The following E4F1 variants were observed in gnomAD, a reference collection of about 807,000 sequenced individuals.
The protein encoded by E4F1 is transcription factor E4F1.
Under a neutral mutation model 72.9 loss-of-function variants are expected in E4F1, and 30 were observed. That is an observed-to-expected ratio of 0.41 (90% CI 0.31 to 0.56). The LOEUF (loss-of-function observed/expected upper bound fraction) is 0.56, where lower values mean the gene tolerates loss of function less well. Ranked by LOEUF, E4F1 falls within the 20% of genes least tolerant of loss-of-function variation. The probability of loss-of-function intolerance (pLI) is 0.25; values close to 1 mark genes in which losing one functional copy is unlikely to be tolerated. For synonymous variants in E4F1, 542 were observed against 478.2 expected (o/e 1.13, Z -1.74); for missense variants, 1,091 against 1,117.5 (o/e 0.98, Z 0.34).
Position 2,229,646 on chromosome 16 carries a change from C to G in E4F1, c.386C>G (p.Ala129Gly), listed in dbSNP as rs772502120. 1 of 1,612,958 alleles carries G rather than the reference C, an allele frequency of 6.2e-7. No individual in the cohort carries two copies. Among genetic ancestry groups the G allele is most frequent in the Non-Finnish European group, 8.5e-7 (1 of 1,180,000 alleles). Residue 129 changes from alanine to glycine, a missense_variant, in exon 3 of 14, where the codon GCA becomes GGA. Physicochemically the swap from Ala to Gly is moderately conservative, Grantham distance 60 (BLOSUM62 0). Around this residue, in one of 5 missense-constraint regions of E4F1, gnomAD observed 362 missense variants for 358.6 expected, o/e 1.01. Transcript: ENST00000301727. ...HIVVEAASLA[A>G]DISHASDLVG... ...GTGGTGGAGGCGGCCTCTCTGGCAGCAGACATCAGCCACGCATCTGACCTT... is the reference window on the plus strand; with the variant it reads ...GTGGTGGAGGCGGCCTCTCTGGCAGGAGACATCAGCCACGCATCTGACCTT...
In E4F1 at chr16:2,231,466, C is replaced by T. The variant is rs1032752004; in HGVS notation, c.416-705C>T. On this transcript the variant is annotated intron_variant, in intron 3 of 13. Coordinates refer to ENST00000301727, the MANE Select transcript of E4F1 (RefSeq NM_004424.5). ...AAGAGAACAGCTTGTCAAAACAAGA[C>T]GCCAGCCGGACTGAGGTGGTTTCTA... is the stretch of plus-strand genomic sequence containing the variant. 3.3e-5 allele frequency: 5 copies of T among 152,334 alleles called. No individual in the cohort carries two copies. In the East Asian group the frequency reaches 5.8e-4, roughly 18 times the overall value. The allele number at this position is 152,334 out of a possible 1,614,324, so 9.4% of individuals were successfully genotyped here.
chr16:2,229,767 C>T (rs554167134), intron 3 of E4F1, 92 bp downstream of exon 3: 34 of 1,394,920 alleles, frequency 2.4e-5, no homozygotes, highest in Middle Eastern at 1.8e-4. Context: ...TCGTCTCTCC[C>T]GAGACCAGGG....
At chr16:2,226,360 C>T (rs1443796566) in intron 1 of E4F1, among the ~76,000 whole-genome samples, 2 of 152,116 alleles carry the variant, frequency 1.3e-5, no homozygotes, top group Admixed American at 6.6e-5. Context: ...GTGGCAATGC[C>T]CTGGAGCCGA....
chr16:2,223,710 G>T lies in E4F1; in HGVS notation c.97G>T (p.Val33Leu), dbSNP rs1437237489. ...REAGEGAVAA[V>L]AAALAPSGFL... The stretch of plus-strand genomic sequence containing the variant: ...AGCGGGCGAGGGTGCAGTTGCGGCG[G>T]TGGCGGCGGCCTTGGCCCCCAGCGG... Residue 33 changes from valine to leucine, a missense_variant, in exon 1 of 14, where the codon GTG (valine) becomes TTG (leucine). This residue lies in a region of E4F1 where 362 missense variants were observed against 358.6 expected (regional missense o/e 1.01). Transcript: ENST00000301727. 3 of 1,561,478 alleles carry T rather than the reference G, an allele frequency of 1.9e-6. No individual in the cohort carries two copies. The highest frequency in any genetic ancestry group is 2.3e-5 in the South Asian group (2 of 86,724).
chr16:2,223,800 GGGGTGCGGGCA>G, intron 1 of E4F1, 30 bp downstream of exon 1: 1 of 1,533,940 alleles, frequency 6.5e-7, no homozygotes, highest in Non-Finnish European at 8.7e-7. Flanking sequence ...GGGTGCGGCC[GGGGTGCGGGCA>G]GTTCATCCCG....
In E4F1 at chr16:2,235,000, A is replaced by AGGTG; in HGVS notation, c.1935+4_1935+7dup. The AGGTG allele has an allele frequency of 1.2e-6, 2 of 1,611,266 alleles. No homozygotes were observed. Among genetic ancestry groups the AGGTG allele is most frequent in the Admixed American group, 3.3e-5 (2 of 59,774 alleles). ...GCTGACACCCAGGAGTATATCATCG[A>AGGTG]GGTGGGTGTGGGGCCCTGGGGCCGT... On this transcript the variant is annotated frameshift_variant and splice_region_variant, in exon 12 of 14. Transcript: ENST00000301727. LOFTEE classifies it high-confidence loss of function.
chr16:2,228,261 T>G, intron 1 of E4F1, 111 bp from the exon 2 acceptor site: 1 of 1,431,666 alleles, frequency 7.0e-7, no homozygotes. Flanking sequence ...TAGCTCTGCT[T>G]CTGATGGCCT....
intron 3 of E4F1, chr16:2,230,011 GCCCGTA>G: frequency 3.3e-6 from 1 of 306,200 alleles, no homozygotes. Flanking sequence ...CCTGCTCCCT[GCCCGTA>G]GGCAGCAACA....
chr16:2,232,388 G>A (rs1218408264), intron 4 of E4F1, 24 bp downstream of exon 4: 2 of 1,602,384 alleles, frequency 1.2e-6, no homozygotes, highest in Admixed American at 1.7e-5. Flanking sequence ...CGGGGAGCCA[G>A]TGTGTGGGTG....
intron 2 of E4F1, among the ~76,000 whole-genome samples, chr16:2,228,749 G>A (rs980025390): frequency 6.6e-6 from 1 of 152,212 alleles, no homozygotes; most frequent in Non-Finnish European, 1.5e-5. Flanking sequence ...GCCTCTGGTC[G>A]AAGCCCGTGC....
chr16:2,225,752 G>T (rs992708948), intron 1 of E4F1, among the ~76,000 whole-genome samples: 1 of 146,618 alleles, frequency 6.8e-6, no homozygotes, highest in Admixed American at 6.9e-5. Context: ...GAATACAGTC[G>T]TGCGCCACCG....
At chr16:2,229,811 C>T in intron 3 of E4F1, 136 bp downstream of exon 3, 1 of 886,874 alleles carries the variant, frequency 1.1e-6, no homozygotes, top group Non-Finnish European at 1.7e-6. Flanking sequence ...TCGTGGCAGC[C>T]TTTCTGCGGG....
chr16:2,233,865 T>C lies in E4F1; in HGVS notation c.1267-17T>C. The C allele has an allele frequency of 2.6e-6, 4 of 1,568,504 alleles. No homozygotes were observed. Among genetic ancestry groups the C allele is most frequent in the Non-Finnish European group, 3.5e-6 (4 of 1,156,362 alleles). ...CAGCCTGCCCCGGGTGCTGGAGACC[T>C]TCCTGTGGTTCCCCAGCAGGTGGCC... On this transcript the variant is annotated splice_polypyrimidine_tract_variant and intron_variant, in intron 8 of 13. Transcript: ENST00000301727.
chr16:2,233,538 C>A lies in E4F1; in HGVS notation c.1157C>A (p.Ala386Asp). Residue 386 changes from alanine to aspartate, a missense_variant, in exon 8 of 14, where the codon GCT becomes GAT. Transcript: ENST00000301727. ...QNSGIVLERA[A>D]GEEGALEPAP... The stretch of plus-strand genomic sequence containing the variant: ...TCCGGCATCGTCCTTGAGCGCGCTG[C>A]TGGGGAGGAGGGTGCCCTGGAGCCA... The A allele has an allele frequency of 6.6e-7, 1 of 1,522,452 alleles. No homozygotes were observed. The allele number at this position is 1,522,452 out of a possible 1,614,324, so 94.3% of individuals were successfully genotyped here.
At chr16:2,228,294 C>A in intron 1 of E4F1, 78 bp from the exon 2 acceptor site, 1 of 1,580,864 alleles carries the variant, frequency 6.3e-7, no homozygotes, top group Non-Finnish European at 8.6e-7. Flanking sequence ...TGTTCTAGGG[C>A]TGGAGGAAAA....
rs750143067 is a variant in E4F1, at chr16:2,232,816, C to T, written c.791C>T (p.Thr264Ile). 1 of 1,613,434 alleles carries T rather than the reference C, an allele frequency of 6.2e-7. No individual in the cohort carries two copies. Residue 264 changes from threonine to isoleucine, a missense_variant, in exon 6 of 14, where the codon ACC (threonine) becomes ATC (isoleucine). By Grantham distance (89) the Thr-to-Ile change is moderately conservative (BLOSUM62 -1). This residue lies in a region of E4F1 where 4 missense variants were observed against 16.8 expected (regional missense o/e 0.24). Coordinates refer to ENST00000301727, the MANE Select transcript of E4F1 (RefSeq NM_004424.5). Reference sequence around the variant, plus strand: ...AGCTTCCGGGAGTCGGGTGCACTGACCCGGCACCTCAAGTCTCTCACCCCC... The same window carrying T: ...AGCTTCCGGGAGTCGGGTGCACTGATCCGGCACCTCAAGTCTCTCACCCCC... ...GKSFRESGAL[T>I]RHLKSLTPCT...
Position 2,229,605 on chromosome 16 carries a change from C to T in E4F1, c.345C>T (p.Ile115=). 1 of 1,612,628 alleles carries T rather than the reference C, an allele frequency of 6.2e-7. No individual in the cohort carries two copies. Among genetic ancestry groups the T allele is most frequent in the Non-Finnish European group, 8.5e-7 (1 of 1,179,970 alleles). The change falls in exon 3 of 14, where the codon ATC becomes ATT. Residue 115 remains isoleucine, a synonymous_variant. Coordinates refer to ENST00000301727, the MANE Select transcript of E4F1 (RefSeq NM_004424.5). ...VPAAPGPEEP[I]TVAHIVVEAA... ...CAGCACCAGGCCCAGAGGAGCCCATCACTGTGGCCCACATCGTGGTGGAGG... is the reference window on the plus strand; with the variant it reads ...CAGCACCAGGCCCAGAGGAGCCCATTACTGTGGCCCACATCGTGGTGGAGG...
chr16:2,232,548 A>C lies in E4F1; in HGVS notation c.702A>C (p.Ser234=), dbSNP rs1462079987. ...GGGCCTCCTTCCGCACCAAGGGCTCACTCATCCGGCACCACCGGCGGCACA... is the reference window on the plus strand; with the variant it reads ...GGGCCTCCTTCCGCACCAAGGGCTCCCTCATCCGGCACCACCGGCGGCACA... ...LCGASFRTKG[S]LIRHHRRHTD... The change falls in exon 5 of 14, where the codon TCA becomes TCC. Residue 234 remains serine, a synonymous_variant. Transcript: ENST00000301727. 5.0e-6 allele frequency: 8 copies of C among 1,612,140 alleles called. No individual in the cohort carries two copies. In the East Asian group the frequency reaches 1.6e-4, roughly 31 times the overall value.
At chr16:2,231,424 C>T (rs865830432) in intron 3 of E4F1, 1 of 152,300 alleles carries the variant, frequency 6.6e-6, no homozygotes, top group South Asian at 2.1e-4. Context: ...TGAGTCACCA[C>T]GCTTTTGTCG....
Sources: allele counts gnomAD v4.1 joint callset (sites outside exome capture counted in the v4.1 genomes callset), GRCh38; gene constraint gnomAD v4.1.1; regional missense constraint gnomAD v4.1.1; transcripts MANE v1.5; gene names NCBI Gene and HGNC (gene_info 2026-07-23, HGNC 2026-07-21).